Variants in UBE2F observed in about 807,000 individuals in gnomAD.
The protein encoded by UBE2F is NEDD8-conjugating enzyme UBE2F.
Under a neutral mutation model 29.6 loss-of-function variants are expected in UBE2F, and 5 were observed. The ratio of observed to expected loss-of-function variants is 0.17; its 90% CI spans 0.09 to 0.36. UBE2F has a LOEUF of 0.36. Ranked by LOEUF, UBE2F falls within the 10% of genes least tolerant of loss-of-function variation. The probability of loss-of-function intolerance (pLI) is 1.00; values close to 1 mark genes in which losing one functional copy is unlikely to be tolerated. For synonymous variants in UBE2F, 66 were observed against 81.8 expected (o/e 0.81, Z 1.04); for missense variants, 141 against 228.5 (o/e 0.62, Z 2.47).
intron 6 of UBE2F, among the ~76,000 whole-genome samples, chr2:238,025,790 G>A (rs2064413172): frequency 6.6e-6 from 1 of 152,158 alleles, no homozygotes. Context: ...AGATACCCAG[G>A]AGAAAAAATG....
At position 238,005,064 on chromosome 2, in the gene UBE2F, T is replaced by G. The variant is rs920911344; in HGVS notation, c.214+10255T>G. 2.0e-5 allele frequency among the ~76,000 whole-genome samples: 3 copies of G among 152,296 alleles called. No individual in the cohort carries two copies. In the South Asian group the frequency reaches 6.2e-4, roughly 32 times the overall value. On this transcript the variant is annotated intron_variant, in intron 4 of 9. Coordinates refer to ENST00000272930, the MANE Select transcript of UBE2F (RefSeq NM_080678.3). ...TTCTGGCCTCCAGAAGATAATAAAT[T>G]TGTATTGTTCAAGGCACAGAGTTTG...
chr2:238,013,423 A>T (rs1229119573), intron 4 of UBE2F, among the ~76,000 whole-genome samples: 2 of 152,090 alleles, frequency 1.3e-5, no homozygotes, highest in Non-Finnish European at 2.9e-5. Context: ...CGTCACGGGT[A>T]CTTTTGTCCC....
At chr2:238,039,227 C>T (rs900673868) in intron 9 of UBE2F, among the ~76,000 whole-genome samples, 2 of 152,158 alleles carry the variant, frequency 1.3e-5, no homozygotes, top group African/African-American at 4.8e-5. Context: ...AAGAGCGAAA[C>T]TCCATCTCAA....
At chr2:237,986,089 G>A (rs1014498430) in intron 2 of UBE2F, 34 of 301,218 alleles carry the variant, frequency 1.1e-4, no homozygotes, top group South Asian at 2.4e-4. Context: ...TCTGTTTGTC[G>A]AATATATGAT....
At chr2:237,977,643 G>A (rs570786316) in intron 2 of UBE2F, among the ~76,000 whole-genome samples, 6 of 152,250 alleles carry the variant, frequency 3.9e-5, no homozygotes, top group Middle Eastern at 3.4e-3. Context: ...GAGTTATGGC[G>A]GAAGTGGTGC....
intron 2 of UBE2F, chr2:237,973,594 A>C (rs1225056757): frequency 9.8e-7 from 1 of 1,022,532 alleles, no homozygotes; most frequent in Non-Finnish European, 1.4e-6. Context: ...CTGCTCTGTA[A>C]AGGGGAAGGA....
chr2:237,984,222 C>A (rs2063434871), intron 2 of UBE2F, among the ~76,000 whole-genome samples: 2 of 152,192 alleles, frequency 1.3e-5, no homozygotes, highest in Admixed American at 1.3e-4. Flanking sequence ...CTGAAGCCCC[C>A]ACACTTTTCT....
intron 9 of UBE2F, 146 bp from the exon 10 acceptor site, chr2:238,041,142 C>T (rs905343993): frequency 6.9e-6 from 5 of 720,038 alleles, no homozygotes; most frequent in Non-Finnish European, 1.2e-5. Flanking sequence ...GGCACTCAGA[C>T]TCCGCAAGGT....
intron 3 of UBE2F, among the ~76,000 whole-genome samples, chr2:237,994,180 G>T (rs530569505): frequency 6.8e-6 from 1 of 147,862 alleles, no homozygotes; most frequent in Non-Finnish European, 1.5e-5. Context: ...GCGCGATCTT[G>T]GCTCACTGCA....
chr2:237,976,689 C>G (rs980168106), intron 2 of UBE2F, among the ~76,000 whole-genome samples: 1 of 152,182 alleles, frequency 6.6e-6, no homozygotes, highest in Non-Finnish European at 1.5e-5. Flanking sequence ...CGGCAGAGCC[C>G]TGATGACAAT....
chr2:237,971,585 G>A (rs1403797856), intron 1 of UBE2F, among the ~76,000 whole-genome samples: 1 of 152,232 alleles, frequency 6.6e-6, no homozygotes, highest in Non-Finnish European at 1.5e-5. Context: ...TTCCCCTAAA[G>A]TGTTGGGATT....
At chr2:238,022,473 T>G (rs2064318996) in intron 5 of UBE2F, among the ~76,000 whole-genome samples, 1 of 152,174 alleles carries the variant, frequency 6.6e-6, no homozygotes. Flanking sequence ...TGTAAATACT[T>G]TCTTTGTTTT....
In UBE2F at chr2:237,967,606, G is replaced by A. The variant is rs1380494956; in HGVS notation, c.-17+474G>A. Among the ~76,000 whole-genome samples, 2 of 152,218 alleles carry A rather than the reference G, an allele frequency of 1.3e-5. No homozygotes were observed. The highest frequency in any genetic ancestry group is 2.9e-5 in the Non-Finnish European group (2 of 68,024). On this transcript the variant is annotated intron_variant, in intron 1 of 9. Transcript: ENST00000272930. This position sits in a 1 kb window ranked among gnomAD's most constrained non-coding sequence, Gnocchi z 6.3. Reference sequence around the variant, plus strand: ...AAACCGGGACTGGACTCCCGATCGGGGCAGGAGTCGCGCTAGGCCGTGAGG... The same window carrying A: ...AAACCGGGACTGGACTCCCGATCGGAGCAGGAGTCGCGCTAGGCCGTGAGG...
At chr2:238,013,003 T>C (rs1453591425) in intron 4 of UBE2F, among the ~76,000 whole-genome samples, 2 of 152,114 alleles carry the variant, frequency 1.3e-5, no homozygotes, top group Non-Finnish European at 2.9e-5. Context: ...AGGCCAGGTG[T>C]GGTGGCTCAT....
chr2:237,971,254 G>T (rs2106320242), intron 1 of UBE2F, among the ~76,000 whole-genome samples: 1 of 152,318 alleles, frequency 6.6e-6, no homozygotes. Context: ...GATCAGAGTG[G>T]TATTGAAATA....
chr2:237,980,622 G>A (rs778063302), intron 2 of UBE2F, among the ~76,000 whole-genome samples: 1 of 152,184 alleles, frequency 6.6e-6, no homozygotes, highest in Admixed American at 6.5e-5. Context: ...TCAGTCCACA[G>A]CGCCTTTGGA....
At chr2:238,023,748 G>C (rs11678880) in intron 5 of UBE2F, among the ~76,000 whole-genome samples, 2 of 152,056 alleles carry the variant, frequency 1.3e-5, no homozygotes, top group South Asian at 4.1e-4. Flanking sequence ...TATTAACCAA[G>C]GGGACCTTTC....
chr2:238,020,780 C>T (rs1184129495), intron 5 of UBE2F, among the ~76,000 whole-genome samples: 6 of 152,280 alleles, frequency 3.9e-5, no homozygotes, highest in South Asian at 2.1e-4. Flanking sequence ...ACTGTCCAAA[C>T]GGATGTAGTG....
chr2:238,024,155 C>G (rs529876777), intron 5 of UBE2F, among the ~76,000 whole-genome samples: 1 of 152,280 alleles, frequency 6.6e-6, no homozygotes, highest in South Asian at 2.1e-4. Flanking sequence ...GGCATAAACA[C>G]ATGTACATCA....
Sources: allele counts gnomAD v4.1 joint callset (sites outside exome capture counted in the v4.1 genomes callset), GRCh38; gene constraint gnomAD v4.1.1; non-coding constraint Gnocchi (gnomAD v3.1); transcripts MANE v1.5; gene names NCBI Gene and HGNC (gene_info 2026-07-23, HGNC 2026-07-21).